Variants in C4BPB observed in about 807,000 individuals in gnomAD.
C4BPB encodes complement component 4 binding protein beta.
C4BPB carries 19 observed loss-of-function variants against 26.6 expected under a neutral mutation model. That is an observed-to-expected ratio of 0.71 (90% CI 0.50 to 1.05). The LOEUF is 1.05. Ranked by LOEUF, C4BPB falls within the 50% of genes least tolerant of loss-of-function variation. The pLI, the probability that C4BPB is intolerant of heterozygous loss-of-function variation, is 0.00. For synonymous variants in C4BPB, 118 were observed against 103.5 expected (o/e 1.14, Z -0.85); for missense variants, 282 against 302.9 (o/e 0.93, Z 0.51).
Position 207,098,204 on chromosome 1 carries a change from T to C in C4BPB, c.558T>C (p.Ser186=). Residue 186 remains serine (S), a synonymous_variant, in exon 6 of 7, where the codon AGT becomes AGC. Transcript: ENST00000367078. ...AATGCGTTGATGGGGAGTGGAGCAG[T>C]GCACTTCCAGTCTGCAAGTTGATCC... ...EQQCVDGEWS[S]ALPVCKLIQE... is the part of the protein sequence containing the mutation. The C allele has an allele frequency of 6.2e-7, 1 of 1,614,132 alleles. No homozygotes were observed. Among genetic ancestry groups the C allele is most frequent in the Non-Finnish European group, 8.5e-7 (1 of 1,179,956 alleles).
In C4BPB at chr1:207,091,828, C is replaced by T; in HGVS notation, c.409+8C>T. ...TTCCCATCTGCAAAAGTAGTAAGTA[C>T]AAGAGAAACCATCAAGGATCCCCAA... On this transcript the variant is annotated splice_region_variant and intron_variant, in intron 4 of 6. Coordinates refer to ENST00000367078, the MANE Select transcript of C4BPB (RefSeq NM_001017365.3). 3.7e-6 allele frequency: 6 copies of T among 1,604,052 alleles called. No homozygotes were observed. The highest frequency in any genetic ancestry group is 4.3e-6 in the Non-Finnish European group (5 of 1,175,276).
At chr1:207,098,833 A>G in intron 6 of C4BPB, among the ~76,000 whole-genome samples, 1 of 152,118 alleles carries the variant, frequency 6.6e-6, no homozygotes, top group East Asian at 1.9e-4. Flanking sequence ...GAGTGTTGGG[A>G]AACAGTGACA....
chr1:207,092,833 GCCA>G (rs1684089895), intron 4 of C4BPB, among the ~76,000 whole-genome samples: 4 of 151,828 alleles, frequency 2.6e-5, no homozygotes, highest in South Asian at 4.2e-4. Flanking sequence ...CACCATCTTG[GCCA>G]GACTGGTCTT....
At chr1:207,092,364 G>GTA (rs1049591482) in intron 4 of C4BPB, among the ~76,000 whole-genome samples, 1 of 151,928 alleles carries the variant, frequency 6.6e-6, no homozygotes, top group African/African-American at 2.4e-5. Flanking sequence ...TTGTGTGTAT[G>GTA]TATATATATA....
Position 207,090,437 on chromosome 1 carries a change from G to C in C4BPB, c.188G>C (p.Cys63Ser). ...CTGGTAGGAAAGAAGACCCTTTTTTGCAATGCCTCTAAGGAGTGGGATAAC... is the reference window on the plus strand; with the variant it reads ...CTGGTAGGAAAGAAGACCCTTTTTTCCAATGCCTCTAAGGAGTGGGATAAC... ...YHLVGKKTLF[C>S]NASKEWDNTT... Residue 63 changes from cysteine to serine, a missense_variant, in exon 3 of 7, where the codon TGC (cysteine) becomes TCC (serine). By Grantham distance (112) the Cys-to-Ser change is moderately radical (BLOSUM62 -1). Transcript: ENST00000367078. 1 of 1,613,688 alleles carries C rather than the reference G, an allele frequency of 6.2e-7. No individual in the cohort carries two copies. The highest frequency in any genetic ancestry group is 8.5e-7 in the Non-Finnish European group (1 of 1,179,798).
intron 4 of C4BPB, 27 bp downstream of exon 4, chr1:207,091,847 T>C (rs760075441): frequency 6.3e-7 from 1 of 1,584,134 alleles, no homozygotes; most frequent in Admixed American, 1.8e-5. Context: ...CCATCAAGGA[T>C]CCCCAAAATA....
intron 5 of C4BPB, among the ~76,000 whole-genome samples, chr1:207,096,952 G>T (rs1319765350): frequency 1.3e-5 from 2 of 152,120 alleles, no homozygotes; most frequent in African/African-American, 4.8e-5. Flanking sequence ...CAGGCGGTTT[G>T]CTTGAGGCCA....
At chr1:207,097,504 T>C (rs1231877230) in intron 5 of C4BPB, among the ~76,000 whole-genome samples, 1 of 121,148 alleles carries the variant, frequency 8.3e-6, no homozygotes, top group Non-Finnish European at 1.7e-5. Flanking sequence ...ATTACAAACA[T>C]GAATCACTGT....
chr1:207,090,455 G>C lies in C4BPB; in HGVS notation c.206G>C (p.Trp69Ser), dbSNP rs1324176926. ...CTTTTTTGCAATGCCTCTAAGGAGTGGGATAACACCACTACTGAGTGCCGC... is the reference window on the plus strand; with the variant it reads ...CTTTTTTGCAATGCCTCTAAGGAGTCGGATAACACCACTACTGAGTGCCGC... ...KTLFCNASKE[W>S]DNTTTECRLG... Residue 69 changes from tryptophan to serine, a missense_variant, in exon 3 of 7, where the codon TGG becomes TCG. Trp to Ser is a radical substitution (Grantham distance 177). Coordinates refer to ENST00000367078, the MANE Select transcript of C4BPB (RefSeq NM_001017365.3). The C allele has an allele frequency of 3.7e-6, 6 of 1,613,246 alleles. No homozygotes were observed. The highest frequency in any genetic ancestry group is 5.1e-6 in the Non-Finnish European group (6 of 1,179,582).
intron 4 of C4BPB, among the ~76,000 whole-genome samples, chr1:207,092,741 C>G (rs1684084306): frequency 6.6e-6 from 1 of 151,348 alleles, no homozygotes; most frequent in Non-Finnish European, 1.5e-5. Context: ...GATTCTGCTG[C>G]CTCAGCCTCC....
At chr1:207,097,314 G>A (rs866484893) in intron 5 of C4BPB, among the ~76,000 whole-genome samples, 3 of 151,868 alleles carry the variant, frequency 2.0e-5, no homozygotes, top group South Asian at 2.1e-4. Context: ...CTAGGCTCAC[G>A]AGATCCTCCC....
In C4BPB at chr1:207,090,386, CTTACG is replaced by C. The variant is rs1558075046; in HGVS notation, c.140_144del (p.Tyr47LeufsTer19). The C allele has an allele frequency of 1.9e-6, 3 of 1,613,962 alleles. No individual in the cohort carries two copies. In the South Asian group the frequency reaches 3.3e-5, roughly 18 times the overall value. ...GAGGTGGAAGGACAGATTCTGGGGA[CTTACG>C]TTTGTATCAAGGGCTACCACCTGGT... On this transcript the variant is annotated frameshift_variant, in exon 3 of 7. Coordinates refer to ENST00000367078, the MANE Select transcript of C4BPB (RefSeq NM_001017365.3). LOFTEE classifies it high-confidence loss of function.
rs1364483431 is a variant in C4BPB, at chr1:207,099,644, G to A, written c.619-145G>A. On this transcript the variant is annotated intron_variant, in intron 6 of 6. Transcript: ENST00000367078. ...TTAAGCCAGAAAATATAAATGATTT[G>A]CCATGTTGAAAACCCAAATCTTTAC... The A allele has an allele frequency of 7.3e-6, 4 of 547,620 alleles. No homozygotes were observed. In the African/African-American group the frequency reaches 7.7e-5, roughly 10 times the overall value. 33.9% of individuals were successfully genotyped at this position (547,620 alleles called of 1,614,324 possible).
At chr1:207,094,809 G>A (rs1684177978) in intron 4 of C4BPB, 1 of 154,616 alleles carries the variant, frequency 6.5e-6, no homozygotes, top group African/African-American at 2.4e-5. Context: ...AAAAATTACA[G>A]TGTATTAACT....
At position 207,090,229 on chromosome 1, in the gene C4BPB, A is replaced by G; in HGVS notation, c.59-79A>G. On this transcript the variant is annotated intron_variant, in intron 2 of 6. Transcript: ENST00000367078. ...AGGATCAATAATCCAGCAAAAAGAC[A>G]TGAGAATGGGGAAATCTAATAAGGG... The G allele has an allele frequency of 2.7e-6, 3 of 1,119,750 alleles. No individual in the cohort carries two copies. In the South Asian group the frequency reaches 4.8e-5, roughly 18 times the overall value. The allele number at this position is 1,119,750 out of a possible 1,614,324, so 69.4% of individuals were successfully genotyped here. A position where few individuals can be genotyped will look rare whatever the true frequency, so the allele number is the denominator to read the frequency against.
chr1:207,099,614 T>C (rs974286358), intron 6 of C4BPB, among the ~76,000 whole-genome samples, 175 bp from the exon 7 acceptor site: 7 of 152,236 alleles, frequency 4.6e-5, no homozygotes, highest in Non-Finnish European at 1.0e-4. Context: ...TATTAATAAG[T>C]ATATTTAAGC....
chr1:207,094,080 T>C (rs951115415), intron 4 of C4BPB, among the ~76,000 whole-genome samples: 2 of 152,178 alleles, frequency 1.3e-5, no homozygotes, highest in South Asian at 4.1e-4. Context: ...AATGAAAAGA[T>C]GGATTTAATT....
At position 207,091,674 on chromosome 1, in the gene C4BPB, A is replaced by G. The variant is rs376995946; in HGVS notation, c.263A>G (p.Asn88Ser). ...LGHCPDPVLV[N>S]GEFSSSGPVN... Reference sequence around the variant, plus strand: ...CACTGTCCTGATCCTGTGCTGGTGAATGGAGAGTTCAGTTCTTCAGGGCCT... The same window carrying G: ...CACTGTCCTGATCCTGTGCTGGTGAGTGGAGAGTTCAGTTCTTCAGGGCCT... The change falls in exon 4 of 7, where the codon AAT becomes AGT. Residue 88 changes from asparagine (N) to serine (S), a missense_variant. Asn to Ser is a conservative substitution (Grantham distance 46). Transcript: ENST00000367078. 2 of 1,613,878 alleles carry G rather than the reference A, an allele frequency of 1.2e-6. No homozygotes were observed. Among genetic ancestry groups the G allele is most frequent in the African/African-American group, 2.7e-5 (2 of 74,906 alleles).
At chr1:207,092,097 G>A (rs531471534) in intron 4 of C4BPB, among the ~76,000 whole-genome samples, 1 of 152,204 alleles carries the variant, frequency 6.6e-6, no homozygotes, top group East Asian at 1.9e-4. Context: ...TTGGAGCATC[G>A]ACTATTTTAT....
Sources: gnomAD v4.1 joint callset for allele counts (sites outside exome capture counted in the v4.1 genomes callset) on GRCh38, gnomAD v4.1.1 for gene constraint, MANE v1.5 for transcripts, NCBI Gene and HGNC (gene_info 2026-07-23, HGNC 2026-07-21) for gene names.